The following PPP2R2B variants were observed in gnomAD, a reference collection of about 807,000 sequenced individuals.
PPP2R2B encodes the protein protein phosphatase 2 regulatory subunit Bbeta.
In PPP2R2B, 5 loss-of-function variants were observed where a neutral mutation model predicts 46.0. The ratio of observed to expected loss-of-function variants is 0.11; its 90% CI spans 0.06 to 0.23. PPP2R2B has a LOEUF of 0.23. PPP2R2B is among the 10% of genes least tolerant of loss of function. The probability of loss-of-function intolerance (pLI) is 1.00; values close to 1 mark genes in which losing one functional copy is unlikely to be tolerated. For missense variants in PPP2R2B, 367 were observed against 575.0 expected, an observed-to-expected ratio of 0.64 and a Z score of 3.70; for synonymous variants, 215 against 206.7, an observed-to-expected ratio of 1.04 and a Z score of -0.34.
At chr5:146,613,787 T>C (rs1361110567) in intron 7 of PPP2R2B, among the ~76,000 whole-genome samples, 1 of 142,722 alleles carries the variant, frequency 7.0e-6, no homozygotes, top group East Asian at 2.2e-4. Flanking sequence ...GGAATCCAAC[T>C]TACAAGGGAT....
chr5:146,877,240 C>G (rs1561980633), intron 2 of PPP2R2B, among the ~76,000 whole-genome samples: 1 of 152,174 alleles, frequency 6.6e-6, no homozygotes, highest in Non-Finnish European at 1.5e-5. Context: ...TATGTCAGAA[C>G]AAGCTGGGAG....
intron 1 of PPP2R2B, among the ~76,000 whole-genome samples, chr5:146,931,867 T>C (rs1193542290): frequency 6.6e-6 from 1 of 152,184 alleles, no homozygotes; most frequent in Non-Finnish European, 1.5e-5. Flanking sequence ...TCCTATATAA[T>C]GTAGAAGACT....
intron 2 of PPP2R2B, among the ~76,000 whole-genome samples, chr5:146,876,568 G>A (rs1178794649): frequency 6.6e-6 from 1 of 152,154 alleles, no homozygotes; most frequent in African/African-American, 2.4e-5. Flanking sequence ...AAGATTGAGG[G>A]AGAACATCTT....
At chr5:146,936,519 A>G (rs1184759288) in intron 1 of PPP2R2B, among the ~76,000 whole-genome samples, 1 of 147,644 alleles carries the variant, frequency 6.8e-6, no homozygotes, top group Non-Finnish European at 1.5e-5. Flanking sequence ...TTTCTCAAAA[A>G]AAAAAAAAAG....
chr5:146,638,614 C>T (rs1474075534), intron 6 of PPP2R2B, among the ~76,000 whole-genome samples, 199 bp from the exon 7 acceptor site: 1 of 152,202 alleles, frequency 6.6e-6, no homozygotes, highest in African/African-American at 2.4e-5. Context: ...ACCCAGTAGT[C>T]AGAGGCAGCA....
intron 2 of PPP2R2B, chr5:146,707,406 G>A: frequency 3.8e-6 from 3 of 780,754 alleles, no homozygotes; most frequent in Non-Finnish European, 4.7e-6. Context: ...GCAGGCTCTG[G>A]TTGACTGGGA....
chr5:146,977,695 G>A (rs1047551160), intron 1 of PPP2R2B, among the ~76,000 whole-genome samples: 5 of 152,084 alleles, frequency 3.3e-5, no homozygotes, highest in African/African-American at 4.8e-5. Context: ...TCCCAGCAAA[G>A]GACATAAACT....
At chr5:146,834,934 A>C (rs1362817395) in intron 2 of PPP2R2B, among the ~76,000 whole-genome samples, 1 of 152,170 alleles carries the variant, frequency 6.6e-6, no homozygotes, top group Non-Finnish European at 1.5e-5. Flanking sequence ...CTGCATCCAC[A>C]TTGCCACAAA....
intron 2 of PPP2R2B, among the ~76,000 whole-genome samples, chr5:146,758,428 A>C (rs999941221): frequency 1.3e-5 from 2 of 152,164 alleles, no homozygotes; most frequent in Non-Finnish European, 2.9e-5. Context: ...ATTCATTATG[A>C]CATCTGTCCA....
intron 2 of PPP2R2B, among the ~76,000 whole-genome samples, chr5:146,739,205 G>C (rs1308545867): frequency 6.6e-6 from 1 of 152,136 alleles, no homozygotes; most frequent in East Asian, 1.9e-4. Flanking sequence ...TTTATGTAAA[G>C]ACAGGGTCTC....
chr5:147,006,525 C>T (rs1342411000), intron 1 of PPP2R2B, among the ~76,000 whole-genome samples: 1 of 152,184 alleles, frequency 6.6e-6, no homozygotes, highest in Non-Finnish European at 1.5e-5. Flanking sequence ...ACAACGAATA[C>T]ACCTACTTAT....
chr5:146,718,555 C>A lies in PPP2R2B; in HGVS notation c.71-17413G>T, dbSNP rs1469389989. On this transcript the variant is annotated intron_variant, in intron 2 of 9. Transcript: ENST00000394411. ...TGAAAATTTGAAAACCAATAAAATC[C>A]ACATTTGCTTCATTCTAGTTAATAA... 6.6e-5 allele frequency among the ~76,000 whole-genome samples: 10 copies of A among 152,144 alleles called. No homozygotes were observed. The East Asian group carries it at 1.9e-3, about 29-fold the overall frequency.
At chr5:147,070,041 G>A (rs556279382) in intron 2 of PPP2R2B, among the ~76,000 whole-genome samples, 12 of 151,846 alleles carry the variant, frequency 7.9e-5, no homozygotes, top group Admixed American at 2.0e-4. Context: ...TGCCTGCCTC[G>A]GCCTCCCAAA....
intron 5 of PPP2R2B, among the ~76,000 whole-genome samples, chr5:146,677,607 C>A (rs1005114843): frequency 1.2e-4 from 17 of 140,810 alleles, no homozygotes; most frequent in East Asian, 7.1e-4. Flanking sequence ...GGCCTGATCT[C>A]GGCTCACTGC....
intron 2 of PPP2R2B, chr5:146,706,836 C>T (rs1320760595): frequency 7.9e-6 from 8 of 1,008,042 alleles, no homozygotes; most frequent in East Asian, 2.4e-5. Flanking sequence ...TTGACCTCAG[C>T]GATGATGCTG....
chr5:146,600,152 A>G, intron 8 of PPP2R2B, 139 bp downstream of exon 8: 3 of 879,008 alleles, frequency 3.4e-6, no homozygotes, highest in Non-Finnish European at 5.3e-6. Flanking sequence ...TGGCACTTAT[A>G]GCCTGTACCA....
intron 1 of PPP2R2B, among the ~76,000 whole-genome samples, chr5:146,907,092 C>A (rs150968804): frequency 1.3e-5 from 2 of 152,002 alleles, no homozygotes. Flanking sequence ...GATGCCATTC[C>A]GACAGGGAAG....
intron 6 of PPP2R2B, among the ~76,000 whole-genome samples, chr5:146,646,310 A>T (rs1775577086): frequency 6.6e-6 from 1 of 152,224 alleles, no homozygotes; most frequent in South Asian, 2.1e-4. Context: ...CTGCAAAAAG[A>T]GTTCAAAGGA....
At chr5:146,837,793 A>T (rs549404969) in intron 2 of PPP2R2B, among the ~76,000 whole-genome samples, 1 of 152,366 alleles carries the variant, frequency 6.6e-6, no homozygotes, top group East Asian at 1.9e-4. Flanking sequence ...CAAGACTCAC[A>T]TATCTTCTGA....
Sources: gnomAD v4.1 joint callset for allele counts (sites outside exome capture counted in the v4.1 genomes callset) on GRCh38, gnomAD v4.1.1 for gene constraint, MANE v1.5 for transcripts, NCBI Gene and HGNC (gene_info 2026-07-23, HGNC 2026-07-21) for gene names.